Variants in PTPRT observed in about 807,000 individuals in gnomAD.
PTPRT encodes the protein receptor-type tyrosine-protein phosphatase T.
A neutral mutation model predicts 176.8 loss-of-function variants in PTPRT; 56 were observed. That is an observed-to-expected ratio of 0.32 (90% CI 0.26 to 0.40). The LOEUF (loss-of-function observed/expected upper bound fraction) is 0.40, where lower values mean the gene tolerates loss of function less well. Among genes scored for constraint, PTPRT ranks in the 10% least tolerant of loss-of-function variants. The probability of loss-of-function intolerance (pLI) is 1.00; values close to 1 mark genes in which losing one functional copy is unlikely to be tolerated. For synonymous variants in PTPRT, 783 were observed against 739.0 expected (o/e 1.06, Z -0.96); for missense variants, 1,540 against 1,908.2 (o/e 0.81, Z 3.60).
intron 7 of PTPRT, among the ~76,000 whole-genome samples, chr20:42,551,930 G>T (rs1442643462): frequency 6.6e-6 from 1 of 152,088 alleles, no homozygotes; most frequent in East Asian, 1.9e-4. Context: ...TGGATAATCT[G>T]ACTGATCTCA....
intron 1 of PTPRT, among the ~76,000 whole-genome samples, chr20:42,982,460 G>A (rs772170808): frequency 1.8e-4 from 28 of 152,234 alleles, no homozygotes; most frequent in Non-Finnish European, 3.2e-4. Flanking sequence ...ACTCAGCAAG[G>A]AGGGAAGGGA....
chr20:42,806,069 G>A (rs2077603322), intron 2 of PTPRT, among the ~76,000 whole-genome samples: 3 of 151,022 alleles, frequency 2.0e-5, no homozygotes, highest in African/African-American at 4.9e-5. Context: ...TGAAGATGCA[G>A]GCTCTGGAGC....
chr20:42,998,179 A>C (rs2146122555), intron 1 of PTPRT, among the ~76,000 whole-genome samples: 1 of 152,352 alleles, frequency 6.6e-6, no homozygotes, highest in South Asian at 2.1e-4. Flanking sequence ...ATAATTCACA[A>C]CTAGCTGTCT....
chr20:42,571,329 C>T (rs1467787748), intron 7 of PTPRT, among the ~76,000 whole-genome samples: 1 of 152,156 alleles, frequency 6.6e-6, no homozygotes, highest in African/African-American at 2.4e-5. Context: ...GTTGAAGATG[C>T]TGCATTGCTC....
At chr20:43,058,895 G>A (rs939224020) in intron 1 of PTPRT, among the ~76,000 whole-genome samples, 8 of 152,188 alleles carry the variant, frequency 5.3e-5, no homozygotes, top group Non-Finnish European at 8.8e-5. Context: ...CAGCCACTGC[G>A]GCCCAAGCTG....
chr20:42,905,745 G>T (rs2079467499), intron 1 of PTPRT, among the ~76,000 whole-genome samples: 2 of 152,186 alleles, frequency 1.3e-5, no homozygotes, highest in African/African-American at 4.8e-5. Flanking sequence ...CCATAAAAAA[G>T]GATGAGTTCA....
chr20:42,983,185 G>C lies in PTPRT; in HGVS notation c.89-97253C>G, dbSNP rs967725274. On this transcript the variant is annotated intron_variant, in intron 1 of 30. Transcript: ENST00000373187. Reference sequence around the variant, plus strand: ...TGTGTCTCTTCAGGGAGCCCCAAAAGAGACCCTTAAACATCTCCTCTTACA... The same window carrying C: ...TGTGTCTCTTCAGGGAGCCCCAAAACAGACCCTTAAACATCTCCTCTTACA... Among the ~76,000 whole-genome samples the C allele has an allele frequency of 2.0e-5, 3 of 152,324 alleles. No individual in the cohort carries two copies. In the East Asian group the frequency reaches 5.8e-4, roughly 29 times the overall value.
chr20:42,400,813 C>T (rs1362534585), intron 9 of PTPRT, among the ~76,000 whole-genome samples: 1 of 152,128 alleles, frequency 6.6e-6, no homozygotes, highest in Non-Finnish European at 1.5e-5. Flanking sequence ...ATCAAATGCA[C>T]ATCTTGGAAA....
rs2076152083 is a variant in PTPRT at position 42,712,032 on chromosome 20, A to G, written c.860-33873T>C. Among the ~76,000 whole-genome samples the G allele has an allele frequency of 4.6e-5, 7 of 152,154 alleles. 1 individual carries two copies. Among genetic ancestry groups the G allele is most frequent in the Admixed American group, 4.6e-4 (7 of 15,268 alleles). On this transcript the variant is annotated intron_variant, in intron 6 of 30. Coordinates refer to ENST00000373187, the MANE Select transcript of PTPRT (RefSeq NM_007050.6). ...GTGTTCAAGTGGAAGCAGGGATGTC[A>G]CAAGAATCCCACTTTAAAATGAGCA...
At chr20:42,793,649 T>G (rs1013079368) in intron 2 of PTPRT, among the ~76,000 whole-genome samples, 1 of 152,160 alleles carries the variant, frequency 6.6e-6, no homozygotes, top group African/African-American at 2.4e-5. Flanking sequence ...GAGCAATGTC[T>G]CTATGTCAGA....
intron 7 of PTPRT, among the ~76,000 whole-genome samples, chr20:42,582,974 G>T (rs1395480616): frequency 6.6e-6 from 1 of 152,092 alleles, no homozygotes; most frequent in East Asian, 1.9e-4. Flanking sequence ...TGGTCCCATC[G>T]GCAAACTCTT....
At chr20:42,244,977 A>G (rs1255421610) in intron 14 of PTPRT, among the ~76,000 whole-genome samples, 1 of 152,150 alleles carries the variant, frequency 6.6e-6, no homozygotes, top group Non-Finnish European at 1.5e-5. Flanking sequence ...TTCTAAGGGG[A>G]GGAGGCAAGG....
chr20:42,342,331 G>A (rs1190949373), intron 11 of PTPRT, among the ~76,000 whole-genome samples: 2 of 152,142 alleles, frequency 1.3e-5, no homozygotes, highest in African/African-American at 2.4e-5. Flanking sequence ...CTGGTGTGAT[G>A]AAGTCCCAGC....
intron 4 of PTPRT, among the ~76,000 whole-genome samples, chr20:42,777,014 C>T (rs1309397831): frequency 6.6e-6 from 1 of 152,110 alleles, no homozygotes; most frequent in African/African-American, 2.4e-5. Context: ...ATGGAGCTCA[C>T]GCTCAGTAAA....
intron 7 of PTPRT, among the ~76,000 whole-genome samples, chr20:42,571,337 C>T (rs1018759889): frequency 1.3e-5 from 2 of 152,126 alleles, no homozygotes; most frequent in Non-Finnish European, 2.9e-5. Context: ...TGCTGCATTG[C>T]TCGAGGAAGA....
At chr20:42,410,073 T>C (rs1017557072) in intron 9 of PTPRT, among the ~76,000 whole-genome samples, 4 of 152,162 alleles carry the variant, frequency 2.6e-5, no homozygotes, top group Non-Finnish European at 1.5e-5. Context: ...TGATGTTTCA[T>C]GCAAAAACTT....
chr20:42,807,649 A>T (rs2077631269), intron 2 of PTPRT, among the ~76,000 whole-genome samples: 1 of 152,282 alleles, frequency 6.6e-6, no homozygotes, highest in Middle Eastern at 3.4e-3. Flanking sequence ...CAGGGCCAAA[A>T]GCATAGACAA....
intron 22 of PTPRT, among the ~76,000 whole-genome samples, chr20:42,113,931 G>T (rs1466605695): frequency 2.0e-5 from 3 of 152,304 alleles, no homozygotes; most frequent in Admixed American, 6.5e-5. Flanking sequence ...GGGGGTTGGA[G>T]GGGGAGCTTC....
intron 7 of PTPRT, among the ~76,000 whole-genome samples, chr20:42,640,274 T>G (rs762972366): frequency 6.6e-6 from 1 of 152,212 alleles, no homozygotes; most frequent in Non-Finnish European, 1.5e-5. Context: ...ATCTATTCTT[T>G]GTCTATACAT....
Sources: gnomAD v4.1 joint callset for allele counts (sites outside exome capture counted in the v4.1 genomes callset) on GRCh38, gnomAD v4.1.1 for gene constraint, MANE v1.5 for transcripts, NCBI Gene and HGNC (gene_info 2026-07-23, HGNC 2026-07-21) for gene names.